Variants in PELI2 observed in about 807,000 individuals in gnomAD.
The protein encoded by PELI2 is E3 ubiquitin-protein ligase pellino homolog 2.
Under a neutral mutation model 42.3 loss-of-function variants are expected in PELI2, and 23 were observed. The ratio of observed to expected loss-of-function variants is 0.54; its 90% CI spans 0.39 to 0.77. PELI2 has a LOEUF of 0.77. Among genes scored for constraint, PELI2 ranks in the 30% least tolerant of loss-of-function variants. The probability of loss-of-function intolerance (pLI) is 0.00; values close to 1 mark genes in which losing one functional copy is unlikely to be tolerated. For synonymous variants in PELI2, 245 were observed against 212.2 expected, an observed-to-expected ratio of 1.15 and a Z score of -1.34; for missense variants, 463 against 553.2, an observed-to-expected ratio of 0.84 and a Z score of 1.64.
At chr14:56,146,775 A>G (rs1421657627) in intron 1 of PELI2, among the ~76,000 whole-genome samples, 2 of 152,000 alleles carry the variant, frequency 1.3e-5, no homozygotes, top group African/African-American at 4.8e-5. Flanking sequence ...ATTATAAGAT[A>G]AAGGTCTTCT....
intron 1 of PELI2, among the ~76,000 whole-genome samples, chr14:56,155,582 A>ATT (rs5808846): frequency 5.5e-5 from 7 of 127,872 alleles, no homozygotes; most frequent in Admixed American, 7.8e-5. Flanking sequence ...CAAGTAATAC[A>ATT]TTTTTTTTTT....
intron 2 of PELI2, among the ~76,000 whole-genome samples, chr14:56,278,395 T>G (rs1026394249): frequency 4.6e-5 from 7 of 152,172 alleles, no homozygotes; most frequent in Non-Finnish European, 1.0e-4. Flanking sequence ...TTGAAAATAG[T>G]TCTTTATAAA....
intron 2 of PELI2, among the ~76,000 whole-genome samples, chr14:56,220,658 A>G (rs1024710413): frequency 2.0e-5 from 3 of 151,928 alleles, no homozygotes; most frequent in African/African-American, 7.3e-5. Context: ...GGAGGGAGTG[A>G]AAGAAGAATC....
At position 56,222,272 on chromosome 14, in the gene PELI2, G is replaced by A. The variant is rs188417767; in HGVS notation, c.207+43808G>A. Among the ~76,000 whole-genome samples, 6 of 152,226 alleles carry A rather than the reference G, an allele frequency of 3.9e-5. No homozygotes were observed. The East Asian group carries it at 1.2e-3, about 29-fold the overall frequency. ...TTAAATCATTTCGTAGCTGTGATTC[G>A]TTTTTTCCAAATTCCAGAAGTTGTT... On this transcript the variant is annotated intron_variant, in intron 2 of 5. Coordinates refer to ENST00000267460, the MANE Select transcript of PELI2 (RefSeq NM_021255.3).
At chr14:56,144,987 A>G in intron 1 of PELI2, 1 of 983,244 alleles carries the variant, frequency 1.0e-6, no homozygotes, top group Non-Finnish European at 1.2e-6. Context: ...AAGGGGTTAG[A>G]AAAAGACCAA....
intron 5 of PELI2, among the ~76,000 whole-genome samples, chr14:56,294,576 TAC>T (rs1023127638): frequency 6.6e-6 from 1 of 152,222 alleles, no homozygotes; most frequent in African/African-American, 2.4e-5. Flanking sequence ...CTCTTTCCCT[TAC>T]ATGGTTCTTT....
At chr14:56,182,224 AGCAGAGATCCAGGGGTCTTGTGGGTCTG>A (rs1265423219) in intron 2 of PELI2, among the ~76,000 whole-genome samples, 1 of 152,046 alleles carries the variant, frequency 6.6e-6, no homozygotes, top group African/African-American at 2.4e-5. Flanking sequence ...TGACCAAAAA[AGCAGAGATCCAGGGGTCTTGTGGGTCTG>A]GCTGGAAAAT....
At chr14:56,259,596 A>G (rs1888645173) in intron 2 of PELI2, among the ~76,000 whole-genome samples, 1 of 152,172 alleles carries the variant, frequency 6.6e-6, no homozygotes, top group Non-Finnish European at 1.5e-5. Flanking sequence ...TTAAACGTTC[A>G]TTATAAAATC....
At chr14:56,147,486 T>C (rs934346101) in intron 1 of PELI2, among the ~76,000 whole-genome samples, 1 of 152,224 alleles carries the variant, frequency 6.6e-6, no homozygotes, top group Non-Finnish European at 1.5e-5. Context: ...ATGGCTTCTT[T>C]CTTTGTCTCT....
intron 2 of PELI2, among the ~76,000 whole-genome samples, chr14:56,259,373 A>T (rs1888638278): frequency 6.6e-6 from 1 of 152,132 alleles, no homozygotes; most frequent in Non-Finnish European, 1.5e-5. Flanking sequence ...TTTAAGCCAA[A>T]TTAATAATAA....
At chr14:56,289,900 A>G (rs992874229) in intron 4 of PELI2, among the ~76,000 whole-genome samples, 2 of 152,222 alleles carry the variant, frequency 1.3e-5, no homozygotes, top group African/African-American at 2.4e-5. Context: ...GTACTTTTAG[A>G]TAACAGGATA....
intron 2 of PELI2, among the ~76,000 whole-genome samples, chr14:56,228,901 A>G (rs570040643): frequency 2.6e-5 from 4 of 152,342 alleles, no homozygotes; most frequent in South Asian, 4.1e-4. Flanking sequence ...CTCCCACCCT[A>G]ATACTGTGCT....
rs115154059 is a variant in PELI2, at chr14:56,184,737, T to A, written c.207+6273T>A. ...AATGGAAGATTTACTATGAGCAGTA[T>A]TATGTGATGGGAAAATCTGTATATA... On this transcript the variant is annotated intron_variant, in intron 2 of 5. Coordinates refer to ENST00000267460, the MANE Select transcript of PELI2 (RefSeq NM_021255.3). Among the ~76,000 whole-genome samples, 976 of 152,188 alleles carry A rather than the reference T, an allele frequency of 6.4e-3. 14 individuals are homozygous for A. Among genetic ancestry groups the A allele is most frequent in the African/African-American group, 0.022 (934 of 41,570 alleles).
At chr14:56,130,296 A>T (rs1350189124) in intron 1 of PELI2, among the ~76,000 whole-genome samples, 1 of 152,182 alleles carries the variant, frequency 6.6e-6, no homozygotes, top group Non-Finnish European at 1.5e-5. Flanking sequence ...TCATCATTTT[A>T]TGCATGAAAC....
At position 56,197,601 on chromosome 14, in the gene PELI2, C is replaced by T. The variant is rs1396638239; in HGVS notation, c.207+19137C>T. Among the ~76,000 whole-genome samples, 1 of 152,110 alleles carries T rather than the reference C, an allele frequency of 6.6e-6. No homozygotes were observed. Among genetic ancestry groups the T allele is most frequent in the Non-Finnish European group, 1.5e-5 (1 of 68,038 alleles). ...TAGACCAGAAATGAAGTGGCTTAGACTAGTGTAATGGTTAATTGTATGTGT... is the reference window on the plus strand; with the variant it reads ...TAGACCAGAAATGAAGTGGCTTAGATTAGTGTAATGGTTAATTGTATGTGT... On this transcript the variant is annotated intron_variant, in intron 2 of 5. Transcript: ENST00000267460. The surrounding 1 kb of genome is among the most constrained non-coding windows in gnomAD (Gnocchi z 4.9).
At chr14:56,246,493 T>C (rs980061046) in intron 2 of PELI2, among the ~76,000 whole-genome samples, 4 of 152,280 alleles carry the variant, frequency 2.6e-5, no homozygotes, top group South Asian at 2.1e-4. Context: ...CCCATGTCCT[T>C]CTCCTTTCTG....
intron 2 of PELI2, among the ~76,000 whole-genome samples, chr14:56,274,916 A>G (rs1164097163): frequency 3.3e-5 from 5 of 152,232 alleles, no homozygotes; most frequent in African/African-American, 4.8e-5. Context: ...AATAACATTT[A>G]TACTGTAATA....
chr14:56,120,066 G>A (rs915444003), intron 1 of PELI2, among the ~76,000 whole-genome samples: 1 of 152,154 alleles, frequency 6.6e-6, no homozygotes, highest in African/African-American at 2.4e-5. Flanking sequence ...CATTAAGTGG[G>A]GGTGGTATTG....
intron 2 of PELI2, among the ~76,000 whole-genome samples, chr14:56,277,081 C>G (rs1170198535): frequency 1.3e-5 from 2 of 152,178 alleles, no homozygotes; most frequent in Non-Finnish European, 2.9e-5. Context: ...TAACAACTTG[C>G]AGCCTATAAA....
Sources: allele counts gnomAD v4.1 joint callset (sites outside exome capture counted in the v4.1 genomes callset), GRCh38; gene constraint gnomAD v4.1.1; non-coding constraint Gnocchi (gnomAD v3.1); transcripts MANE v1.5; gene names NCBI Gene and HGNC (gene_info 2026-07-23, HGNC 2026-07-21).